The following WWOX variants were observed in gnomAD, a reference collection of about 807,000 sequenced individuals.
WWOX encodes WW domain-containing oxidoreductase.
A neutral mutation model predicts 46.2 loss-of-function variants in WWOX; 69 were observed. The ratio of observed to expected loss-of-function variants is 1.49; its 90% CI spans 1.23 to 1.82. The LOEUF (loss-of-function observed/expected upper bound fraction) is 1.82. Ranked by LOEUF, WWOX falls within the 40% of genes most tolerant of loss-of-function variation. The pLI is 0.00. For missense variants in WWOX, 919 were observed against 542.6 expected, an observed-to-expected ratio of 1.69 and a Z score of -6.89; for synonymous variants, 359 against 202.6, an observed-to-expected ratio of 1.77 and a Z score of -6.56.
chr16:78,546,240 C>G (rs376071545), intron 8 of WWOX, among the ~76,000 whole-genome samples: 15 of 152,098 alleles, frequency 9.9e-5, no homozygotes, highest in African/African-American at 3.1e-4. Context: ...CTAGAGAAGG[C>G]TTCTCTGAGG....
At chr16:78,110,017 C>G (rs1450344740) in intron 3 of WWOX, among the ~76,000 whole-genome samples, 182 bp downstream of exon 3, 1 of 151,430 alleles carries the variant, frequency 6.6e-6, no homozygotes, top group Non-Finnish European at 1.5e-5. Flanking sequence ...ATTTATTCTT[C>G]TATTTTCCCC....
intron 8 of WWOX, among the ~76,000 whole-genome samples, chr16:78,614,728 C>A (rs1295859326): frequency 6.6e-6 from 1 of 152,156 alleles, no homozygotes; most frequent in African/African-American, 2.4e-5. Context: ...GCAGGCTCTT[C>A]CTTGACGTGT....
chr16:79,149,400 T>C (rs920448665), intron 8 of WWOX, among the ~76,000 whole-genome samples: 1 of 152,226 alleles, frequency 6.6e-6, no homozygotes, highest in Non-Finnish European at 1.5e-5. Flanking sequence ...ATGGCATATA[T>C]GTTTTTTTAT....
intron 8 of WWOX, among the ~76,000 whole-genome samples, chr16:79,026,258 C>G (rs1485776902): frequency 1.3e-5 from 2 of 151,792 alleles, no homozygotes; most frequent in African/African-American, 4.9e-5. Flanking sequence ...CTTTAGTCAC[C>G]CTACCCTCGG....
At chr16:78,395,336 T>C (rs2082261216) in intron 6 of WWOX, among the ~76,000 whole-genome samples, 1 of 152,092 alleles carries the variant, frequency 6.6e-6, no homozygotes, top group South Asian at 2.1e-4. Context: ...CTCGGTAATT[T>C]GGCAAAACCT....
intron 8 of WWOX, among the ~76,000 whole-genome samples, chr16:79,035,199 C>G (rs924094056): frequency 1.3e-5 from 2 of 152,348 alleles, no homozygotes; most frequent in Admixed American, 6.5e-5. Context: ...CTAGGCAACA[C>G]TAGCTAGTGG....
intron 8 of WWOX, among the ~76,000 whole-genome samples, chr16:78,596,531 G>A (rs994490104): frequency 4.6e-5 from 7 of 152,130 alleles, no homozygotes; most frequent in African/African-American, 1.7e-4. Flanking sequence ...GATCGTGACA[G>A]GTGTGCAAGA....
intron 8 of WWOX, among the ~76,000 whole-genome samples, chr16:78,794,903 G>C (rs914922040): frequency 6.6e-6 from 1 of 152,200 alleles, no homozygotes; most frequent in African/African-American, 2.4e-5. Context: ...CTTGCCTTTT[G>C]TATGTTAGCC....
chr16:78,316,186 C>A (rs574870072), intron 5 of WWOX, among the ~76,000 whole-genome samples: 1 of 151,894 alleles, frequency 6.6e-6, no homozygotes, highest in Non-Finnish European at 1.5e-5. Context: ...GTGGAGGTTG[C>A]ATTCAGTCGA....
At chr16:78,458,155 A>G (rs903772446) in intron 8 of WWOX, among the ~76,000 whole-genome samples, 1 of 151,978 alleles carries the variant, frequency 6.6e-6, no homozygotes, top group Non-Finnish European at 1.5e-5. Context: ...TCAGATGTGA[A>G]GGTGTGTTCC....
intron 8 of WWOX, among the ~76,000 whole-genome samples, chr16:78,484,370 T>C (rs949885957): frequency 4.6e-5 from 7 of 152,214 alleles, no homozygotes; most frequent in Admixed American, 2.0e-4. Flanking sequence ...CAGAGTTTAC[T>C]TACAGTTTGC....
intron 8 of WWOX, among the ~76,000 whole-genome samples, chr16:78,671,405 A>G (rs1597423426): frequency 6.6e-6 from 1 of 152,354 alleles, no homozygotes; most frequent in South Asian, 2.1e-4. Context: ...GGCCTGGGTG[A>G]TAGCATGAGA....
At chr16:78,668,232 A>G (rs1020191823) in intron 8 of WWOX, among the ~76,000 whole-genome samples, 1 of 152,164 alleles carries the variant, frequency 6.6e-6, no homozygotes, top group African/African-American at 2.4e-5. Context: ...GTCAGCCGAG[A>G]TCTATGCCAT....
At chr16:78,102,950 C>T (rs2031893761) in intron 1 of WWOX, among the ~76,000 whole-genome samples, 1 of 152,184 alleles carries the variant, frequency 6.6e-6, no homozygotes, top group South Asian at 2.1e-4. Context: ...GCTTCCTAAG[C>T]CCACCTCTGC....
rs189998827 is a variant in WWOX at position 78,640,910 on chromosome 16, G to T, written c.1056+208158G>T. 1.9e-4 allele frequency among the ~76,000 whole-genome samples: 28 copies of T among 145,742 alleles called. No individual in the cohort carries two copies. The East Asian group carries it at 5.1e-3, about 26-fold the overall frequency. On this transcript the variant is annotated intron_variant, in intron 8 of 8. Coordinates refer to ENST00000566780, the MANE Select transcript of WWOX (RefSeq NM_016373.4). The stretch of plus-strand genomic sequence containing the variant: ...GCCGAGATCATGCCACTGCACTCCA[G>T]TCTGGGTGACAGCGCGAGATTCTGT...
intron 5 of WWOX, among the ~76,000 whole-genome samples, chr16:78,381,514 C>G (rs375445002): frequency 1.2e-4 from 18 of 152,112 alleles, no homozygotes; most frequent in African/African-American, 4.1e-4. Context: ...CCTGATGCTT[C>G]ACATGTGGGA....
At chr16:78,757,205 C>G (rs556282670) in intron 8 of WWOX, among the ~76,000 whole-genome samples, 1 of 152,054 alleles carries the variant, frequency 6.6e-6, no homozygotes, top group Non-Finnish European at 1.5e-5. Context: ...TTGTTTCAGC[C>G]CACTTAGTTT....
intron 8 of WWOX, among the ~76,000 whole-genome samples, chr16:79,170,012 TTCATTAC>T (rs1261806258): frequency 6.6e-6 from 1 of 152,098 alleles, no homozygotes; most frequent in Non-Finnish European, 1.5e-5. Context: ...TTAGGACACC[TTCATTAC>T]CCCTCCTAAA....
intron 8 of WWOX, among the ~76,000 whole-genome samples, chr16:78,795,024 C>A (rs1034521012): frequency 6.6e-6 from 1 of 152,178 alleles, no homozygotes; most frequent in African/African-American, 2.4e-5. Flanking sequence ...TAACACTGAT[C>A]TTTGAGCTGG....
Sources: gnomAD v4.1 joint callset for allele counts (sites outside exome capture counted in the v4.1 genomes callset) on GRCh38, gnomAD v4.1.1 for gene constraint, MANE v1.5 for transcripts, NCBI Gene and HGNC (gene_info 2026-07-23, HGNC 2026-07-21) for gene names.